Variants in DCAF5 observed in about 807,000 individuals in gnomAD.
DCAF5 encodes DDB1- and CUL4-associated factor 5.
In DCAF5, 9 loss-of-function variants were observed where a neutral mutation model predicts 80.7. The observed-to-expected ratio is 0.11, with a 90% CI of 0.07 to 0.19. DCAF5 has a LOEUF of 0.19. DCAF5 is among the 10% of genes least tolerant of loss of function. The pLI is 1.00. For synonymous variants in DCAF5, 433 were observed against 461.9 expected, an observed-to-expected ratio of 0.94 and a Z score of 0.80; for missense variants, 842 against 1,205.7, an observed-to-expected ratio of 0.70 and a Z score of 4.47.
At chr14:69,145,039 CAACAT>C (rs1381206905) in intron 1 of DCAF5, among the ~76,000 whole-genome samples, 9 of 152,274 alleles carry the variant, frequency 5.9e-5, no homozygotes, top group Admixed American at 2.0e-4. Flanking sequence ...TTTGCCATAT[CAACAT>C]AACACTTTTA....
chr14:69,065,143 G>A (rs1039692025), intron 7 of DCAF5, among the ~76,000 whole-genome samples: 4 of 144,340 alleles, frequency 2.8e-5, no homozygotes, highest in African/African-American at 1.0e-4. Flanking sequence ...TGTTGCCCAG[G>A]CTGGAGTGCA....
intron 8 of DCAF5, among the ~76,000 whole-genome samples, chr14:69,056,267 G>A (rs1019289940): frequency 6.6e-6 from 1 of 152,196 alleles, no homozygotes; most frequent in Non-Finnish European, 1.5e-5. Flanking sequence ...CTCTTAACCA[G>A]GGAGCTGCTG....
chr14:69,114,835 C>T (rs1030199807), intron 5 of DCAF5, among the ~76,000 whole-genome samples: 3 of 151,954 alleles, frequency 2.0e-5, no homozygotes, highest in Non-Finnish European at 2.9e-5. Context: ...ATATAATGCA[C>T]GGTAAGAAAC....
At position 69,051,280 on chromosome 14, in the gene DCAF5, T is replaced by C. The variant is rs984252606; in HGVS notation, c.*2577A>G. On this transcript the variant is annotated 3_prime_UTR_variant, in exon 9 of 9. Coordinates refer to ENST00000341516, the MANE Select transcript of DCAF5 (RefSeq NM_003861.3). ...CATCTGTCCTGCTATTAAAAATATC[T>C]ATTATGGAAGAAATTGGGTATTAAA... 6.6e-6 allele frequency: 1 copy of C among 152,658 alleles called. No individual in the cohort carries two copies. Among genetic ancestry groups the C allele is most frequent in the Non-Finnish European group, 1.5e-5 (1 of 68,044 alleles). The allele number at this position is 152,658 out of a possible 1,614,324, so 9.5% of individuals were successfully genotyped here. A position where few individuals can be genotyped will look rare whatever the true frequency, so the allele number is the denominator to read the frequency against.
In DCAF5 at chr14:69,053,684, A is replaced by G; in HGVS notation, c.*173T>C. ...AGCACAAGCCAATGGCCAGCTAGAC[A>G]TTCAGACCCGTTGTTGAATGTTGGA... On this transcript the variant is annotated 3_prime_UTR_variant, in exon 9 of 9. Coordinates refer to ENST00000341516, the MANE Select transcript of DCAF5 (RefSeq NM_003861.3). 1 of 629,994 alleles carries G rather than the reference A, an allele frequency of 1.6e-6. No individual in the cohort carries two copies. The highest frequency in any genetic ancestry group is 2.6e-6 in the Non-Finnish European group (1 of 379,148). The allele number at this position is 629,994 out of a possible 1,614,324, so 39.0% of individuals were successfully genotyped here.
intron 2 of DCAF5, among the ~76,000 whole-genome samples, chr14:69,121,986 G>A (rs1192426955): frequency 6.6e-6 from 1 of 151,874 alleles, no homozygotes. Flanking sequence ...TTCTGCCAAA[G>A]AGAAATAAAG....
chr14:69,058,080 T>A (rs1021645078), intron 8 of DCAF5, among the ~76,000 whole-genome samples: 2 of 152,246 alleles, frequency 1.3e-5, no homozygotes, highest in Non-Finnish European at 2.9e-5. Context: ...CTGAACATTA[T>A]AAGTACTGAC....
intron 5 of DCAF5, among the ~76,000 whole-genome samples, chr14:69,108,826 G>A (rs1014138960): frequency 1.3e-5 from 2 of 152,018 alleles, no homozygotes; most frequent in African/African-American, 4.8e-5. Context: ...TCATTGTGAC[G>A]AGCAAAATCC....
chr14:69,136,140 G>GT (rs1301337522), intron 1 of DCAF5, among the ~76,000 whole-genome samples: 1 of 125,390 alleles, frequency 8.0e-6, no homozygotes, highest in Non-Finnish European at 1.6e-5. Context: ...TTTGGATACA[G>GT]GGTCCTACTC....
At chr14:69,088,051 A>G (rs2039404945) in intron 6 of DCAF5, among the ~76,000 whole-genome samples, 1 of 152,220 alleles carries the variant, frequency 6.6e-6, no homozygotes, top group Non-Finnish European at 1.5e-5. Context: ...CTTGAAAAAA[A>G]TCGGAGGCCC....
chr14:69,114,344 A>C (rs2040472607), intron 5 of DCAF5, among the ~76,000 whole-genome samples: 1 of 152,194 alleles, frequency 6.6e-6, no homozygotes, highest in East Asian at 1.9e-4. Context: ...GTTGTTGGGT[A>C]CATCATATAA....
At chr14:69,072,267 C>T (rs1594946679) in intron 7 of DCAF5, among the ~76,000 whole-genome samples, 1 of 151,746 alleles carries the variant, frequency 6.6e-6, no homozygotes, top group Non-Finnish European at 1.5e-5. Flanking sequence ...ATGTTATAGG[C>T]AAAGGTAGAG....
At chr14:69,145,585 G>C (rs1414655810) in intron 1 of DCAF5, among the ~76,000 whole-genome samples, 1 of 152,044 alleles carries the variant, frequency 6.6e-6, no homozygotes. Context: ...ACAGGGAATT[G>C]AGTAGAAAAG....
At chr14:69,142,604 C>T (rs1204767614) in intron 1 of DCAF5, among the ~76,000 whole-genome samples, 1 of 152,162 alleles carries the variant, frequency 6.6e-6, no homozygotes, top group Non-Finnish European at 1.5e-5. Context: ...CTTTATGATA[C>T]TGTGTGTGTG....
chr14:69,106,217 C>A (rs193211574), intron 5 of DCAF5, among the ~76,000 whole-genome samples: 1 of 151,244 alleles, frequency 6.6e-6, no homozygotes, highest in Admixed American at 6.6e-5. Flanking sequence ...CCACTACGCC[C>A]GGCTAATTTT....
intron 4 of DCAF5, among the ~76,000 whole-genome samples, chr14:69,117,046 AC>A (rs2140057168): frequency 6.6e-6 from 1 of 152,320 alleles, no homozygotes; most frequent in Non-Finnish European, 1.5e-5. Flanking sequence ...TCACCTAGAA[AC>A]CCTGCAACAT....
At chr14:69,079,234 A>C (rs2039012309) in intron 6 of DCAF5, among the ~76,000 whole-genome samples, 1 of 152,246 alleles carries the variant, frequency 6.6e-6, no homozygotes, top group African/African-American at 2.4e-5. Flanking sequence ...TGAGAAGGGA[A>C]AACAGGATTC....
At chr14:69,075,443 ATATAT>A (rs2038862770) in intron 6 of DCAF5, 32 bp from the exon 7 acceptor site, 3 of 1,287,596 alleles carry the variant, frequency 2.3e-6, no homozygotes, top group East Asian at 2.7e-5. Flanking sequence ...AGATAACATT[ATATAT>A]TATAATATAG....
chr14:69,106,675 T>G (rs2040171966), intron 5 of DCAF5, among the ~76,000 whole-genome samples: 1 of 151,952 alleles, frequency 6.6e-6, no homozygotes, highest in African/African-American at 2.4e-5. Flanking sequence ...CCCAGCCTAC[T>G]TTTACACATA....
Sources: allele counts gnomAD v4.1 joint callset (sites outside exome capture counted in the v4.1 genomes callset), GRCh38; gene constraint gnomAD v4.1.1; transcripts MANE v1.5; gene names NCBI Gene and HGNC (gene_info 2026-07-23, HGNC 2026-07-21).